The following PRKCA variants were observed in gnomAD, a reference collection of about 807,000 sequenced individuals.
The protein encoded by PRKCA is protein kinase C alpha.
A neutral mutation model predicts 87.0 loss-of-function variants in PRKCA; 27 were observed. The ratio of observed to expected loss-of-function variants is 0.31; its 90% CI spans 0.23 to 0.43. The LOEUF (loss-of-function observed/expected upper bound fraction) is 0.43. Among genes scored for constraint, PRKCA ranks in the 20% least tolerant of loss-of-function variants. PRKCA has a pLI of 1.00. For synonymous variants in PRKCA, 329 were observed against 311.1 expected, an observed-to-expected ratio of 1.06 and a Z score of -0.61; for missense variants, 518 against 852.3, an observed-to-expected ratio of 0.61 and a Z score of 4.88.
At chr17:66,323,340 T>G (rs1905792618) in intron 2 of PRKCA, among the ~76,000 whole-genome samples, 1 of 152,248 alleles carries the variant, frequency 6.6e-6, no homozygotes, top group Non-Finnish European at 1.5e-5. Context: ...TAAGATGCCT[T>G]TATAACTTCA....
chr17:66,787,002 T>C (rs1387320047), intron 15 of PRKCA, 28 bp downstream of exon 15: 2 of 1,473,378 alleles, frequency 1.4e-6, no homozygotes, highest in East Asian at 2.3e-5. Context: ...CCTTTTGTGA[T>C]CATGGACCAA....
chr17:66,576,523 T>C (rs528121196), intron 3 of PRKCA, among the ~76,000 whole-genome samples: 2 of 152,386 alleles, frequency 1.3e-5, no homozygotes, highest in African/African-American at 4.8e-5. Context: ...TACTGCAGCA[T>C]GTAATTTGAT....
chr17:66,807,693 G>A lies in PRKCA; in HGVS notation c.*3656G>A, dbSNP rs547046416. On this transcript the variant is annotated 3_prime_UTR_variant, in exon 17 of 17. Coordinates refer to ENST00000413366, the MANE Select transcript of PRKCA (RefSeq NM_002737.3). This position sits in a 1 kb window ranked among gnomAD's most constrained non-coding sequence, Gnocchi z 4.3. ...TGGAAGCCTGGCCGGAAAGACCAAG[G>A]TTCATGCAGCCCAACAAATGATTGT... 9.2e-5 allele frequency: 14 copies of A among 152,184 alleles called. No homozygotes were observed. The highest frequency in any genetic ancestry group is 2.9e-4 in the African/African-American group (12 of 41,418). The allele number at this position is 152,184 out of a possible 1,614,324, so 9.4% of individuals were successfully genotyped here.
At chr17:66,700,421 T>G (rs1388243994) in intron 8 of PRKCA, among the ~76,000 whole-genome samples, 3 of 152,126 alleles carry the variant, frequency 2.0e-5, no homozygotes, top group Non-Finnish European at 2.9e-5. Context: ...TCTCTCCACT[T>G]CTATTCAACA....
At chr17:66,309,734 T>G (rs1905000141) in intron 2 of PRKCA, among the ~76,000 whole-genome samples, 1 of 152,222 alleles carries the variant, frequency 6.6e-6, no homozygotes, top group South Asian at 2.1e-4. Flanking sequence ...TTTTGCTTGA[T>G]GTACCCCTAG....
chr17:66,405,652 C>T (rs1378567042), intron 2 of PRKCA, among the ~76,000 whole-genome samples: 1 of 152,160 alleles, frequency 6.6e-6, no homozygotes, highest in African/African-American at 2.4e-5. Flanking sequence ...TTAGAAGTTC[C>T]TGGTAGGCAA....
chr17:66,585,508 C>T (rs930997253), intron 3 of PRKCA, among the ~76,000 whole-genome samples: 2 of 152,202 alleles, frequency 1.3e-5, no homozygotes, highest in East Asian at 1.9e-4. Context: ...CTTTCTAGTT[C>T]CTGTAGCACA....
intron 8 of PRKCA, among the ~76,000 whole-genome samples, chr17:66,708,699 A>G (rs917862519): frequency 2.0e-5 from 3 of 152,170 alleles, no homozygotes; most frequent in African/African-American, 4.8e-5. Context: ...CAGCTACTCA[A>G]TACAGAGTAC....
intron 8 of PRKCA, among the ~76,000 whole-genome samples, chr17:66,707,620 A>C (rs1332081592): frequency 3.3e-5 from 5 of 152,184 alleles, no homozygotes; most frequent in African/African-American, 4.8e-5. Context: ...AATTCTGGAC[A>C]TTTCTAACTG....
chr17:66,712,800 C>A (rs577875275), intron 8 of PRKCA, among the ~76,000 whole-genome samples: 4 of 152,212 alleles, frequency 2.6e-5, no homozygotes, highest in South Asian at 4.1e-4. Flanking sequence ...TCAGTTTCTC[C>A]AAGTCTAAAA....
At chr17:66,382,713 C>T (rs373080475) in intron 2 of PRKCA, among the ~76,000 whole-genome samples, 17 of 152,032 alleles carry the variant, frequency 1.1e-4, no homozygotes, top group African/African-American at 3.9e-4. Context: ...ATTTTGCTTC[C>T]CAGGAGACAC....
At chr17:66,560,583 A>G (rs762317480) in intron 3 of PRKCA, among the ~76,000 whole-genome samples, 4 of 152,166 alleles carry the variant, frequency 2.6e-5, no homozygotes, top group Non-Finnish European at 4.4e-5. Context: ...CTTCTGTAAG[A>G]TGGGAGTCAG....
At chr17:66,771,593 CTTTT>C (rs970072926) in intron 13 of PRKCA, among the ~76,000 whole-genome samples, 2 of 151,512 alleles carry the variant, frequency 1.3e-5, no homozygotes, top group African/African-American at 2.4e-5. Flanking sequence ...TTCCTTATTT[CTTTT>C]TTTTTATTTT....
At chr17:66,735,397 T>C in intron 9 of PRKCA, 92 bp from the exon 10 acceptor site, 1 of 1,333,692 alleles carries the variant, frequency 7.5e-7, no homozygotes, top group Middle Eastern at 1.8e-4. Context: ...GTGCACAAAC[T>C]GTCACTGAGC....
intron 2 of PRKCA, among the ~76,000 whole-genome samples, chr17:66,359,594 CAG>C (rs1908264101): frequency 6.6e-6 from 1 of 152,132 alleles, no homozygotes; most frequent in Non-Finnish European, 1.5e-5. Flanking sequence ...AGAGATGACT[CAG>C]TGGTTTTATT....
At chr17:66,453,272 C>G (rs1321727684) in intron 2 of PRKCA, among the ~76,000 whole-genome samples, 1 of 151,982 alleles carries the variant, frequency 6.6e-6, no homozygotes, top group African/African-American at 2.4e-5. Context: ...TGCCCTCGTA[C>G]AGATCCACAG....
chr17:66,791,130 T>C (rs1975524354), intron 16 of PRKCA, among the ~76,000 whole-genome samples: 1 of 151,302 alleles, frequency 6.6e-6, no homozygotes, highest in African/African-American at 2.4e-5. Flanking sequence ...GTATATCTCC[T>C]AATGCTGTCC....
chr17:66,805,266 T>C lies in PRKCA; in HGVS notation c.*1229T>C, dbSNP rs532092759. 6 of 460,312 alleles carry C rather than the reference T, an allele frequency of 1.3e-5. No homozygotes were observed. The highest frequency in any genetic ancestry group is 1.9e-4 in the South Asian group (2 of 10,704). The allele number at this position is 460,312 out of a possible 1,614,324, so 28.5% of individuals were successfully genotyped here. A position where few individuals can be genotyped will look rare whatever the true frequency, so the allele number is the denominator to read the frequency against. ...GAAGGATTTTAATACGTTTTGCAAA[T>C]GCATCATGCAATGAATTTTGCATGT... On this transcript the variant is annotated 3_prime_UTR_variant, in exon 17 of 17. Coordinates refer to ENST00000413366, the MANE Select transcript of PRKCA (RefSeq NM_002737.3).
chr17:66,722,920 T>C (rs1489807470), intron 8 of PRKCA, among the ~76,000 whole-genome samples: 1 of 152,254 alleles, frequency 6.6e-6, no homozygotes, highest in Non-Finnish European at 1.5e-5. Context: ...CATTTTTATT[T>C]CCTTTTAAAA....
Sources: gnomAD v4.1 joint callset for allele counts (sites outside exome capture counted in the v4.1 genomes callset) on GRCh38, gnomAD v4.1.1 for gene constraint, Gnocchi (gnomAD v3.1) non-coding constraint, MANE v1.5 for transcripts, NCBI Gene and HGNC (gene_info 2026-07-23, HGNC 2026-07-21) for gene names.